RUNX1: variants seen among roughly 807,000 people sequenced by gnomAD.
RUNX1 encodes RUNX family transcription factor 1, also known as runt-related transcription factor 1.
A neutral mutation model predicts 42.8 loss-of-function variants in RUNX1; 19 were observed. The ratio of observed to expected loss-of-function variants is 0.44; its 90% CI spans 0.31 to 0.65. The LOEUF (loss-of-function observed/expected upper bound fraction) is 0.65, where lower values mean the gene tolerates loss of function less well. Among genes scored for constraint, RUNX1 ranks in the 30% least tolerant of loss-of-function variants. RUNX1 has a pLI of 0.07. For missense variants in RUNX1, 528 were observed against 672.0 expected (o/e 0.79, Z 2.37); for synonymous variants, 271 against 289.4 (o/e 0.94, Z 0.64).
intron 2 of RUNX1, among the ~76,000 whole-genome samples, chr21:34,902,886 C>T (rs759346913): frequency 5.9e-5 from 9 of 152,130 alleles, no homozygotes; most frequent in Non-Finnish European, 8.8e-5. Flanking sequence ...TTACCCATGT[C>T]AGCATATGGC....
intron 6 of RUNX1, among the ~76,000 whole-genome samples, chr21:34,841,250 G>A (rs934992241): frequency 3.3e-5 from 5 of 152,176 alleles, no homozygotes; most frequent in Non-Finnish European, 5.9e-5. Flanking sequence ...CTTAGAGGTG[G>A]ATGAATCCTG....
intron 2 of RUNX1, among the ~76,000 whole-genome samples, chr21:34,985,403 C>T (rs1354473015): frequency 3.9e-5 from 6 of 152,122 alleles, no homozygotes; most frequent in African/African-American, 7.2e-5. Context: ...TGTCTGGGGT[C>T]ACCATGAAGA....
intron 2 of RUNX1, among the ~76,000 whole-genome samples, chr21:34,896,351 G>T (rs1404429289): frequency 6.6e-6 from 1 of 152,100 alleles, no homozygotes; most frequent in East Asian, 1.9e-4. Context: ...AGGAGATGGA[G>T]CTAGGAAAAG....
intron 7 of RUNX1, among the ~76,000 whole-genome samples, chr21:34,829,258 A>G (rs2057031282): frequency 6.6e-6 from 1 of 152,154 alleles, no homozygotes; most frequent in Non-Finnish European, 1.5e-5. Context: ...TCCAACTACA[A>G]CTTTGCTGAA....
At chr21:34,920,950 C>A (rs1382362433) in intron 2 of RUNX1, among the ~76,000 whole-genome samples, 1 of 152,176 alleles carries the variant, frequency 6.6e-6, no homozygotes, top group South Asian at 2.1e-4. Context: ...CTTGTGCCTT[C>A]CGGGTTCAAG....
intron 2 of RUNX1, among the ~76,000 whole-genome samples, chr21:34,957,231 C>T (rs1180648926): frequency 2.6e-5 from 4 of 152,106 alleles, no homozygotes; most frequent in South Asian, 2.1e-4. Flanking sequence ...AGATGAAAAG[C>T]GTTATGGGGC....
chr21:34,899,134 G>A (rs561625770), intron 2 of RUNX1, among the ~76,000 whole-genome samples: 2 of 152,222 alleles, frequency 1.3e-5, no homozygotes, highest in African/African-American at 4.8e-5. Context: ...CGCTGGTCTC[G>A]AACTTCTGAC....
chr21:35,023,980 C>T (rs1307223334), intron 2 of RUNX1, among the ~76,000 whole-genome samples: 1 of 149,806 alleles, frequency 6.7e-6, no homozygotes, highest in Non-Finnish European at 1.5e-5. Context: ...ATACTATATA[C>T]TAATTATAAA....
intron 2 of RUNX1, among the ~76,000 whole-genome samples, chr21:34,953,389 C>T (rs2058622588): frequency 6.6e-6 from 1 of 152,134 alleles, no homozygotes; most frequent in South Asian, 2.1e-4. Flanking sequence ...CTGCATGCAA[C>T]CCCCAGGGAA....
chr21:34,924,084 T>C (rs1471754457), intron 2 of RUNX1, among the ~76,000 whole-genome samples: 1 of 57,430 alleles, frequency 1.7e-5, no homozygotes, highest in Non-Finnish European at 6.4e-5. Flanking sequence ...ACTCACTCAG[T>C]GACCCACCCC....
At chr21:34,816,363 C>A (rs1011362298) in intron 7 of RUNX1, among the ~76,000 whole-genome samples, 1 of 151,454 alleles carries the variant, frequency 6.6e-6, no homozygotes, top group Admixed American at 6.6e-5. Context: ...CCCTGATGTG[C>A]TCTGGGGAGA....
chr21:34,987,366 A>G (rs1437753417), intron 2 of RUNX1, among the ~76,000 whole-genome samples: 1 of 152,216 alleles, frequency 6.6e-6, no homozygotes, highest in Non-Finnish European at 1.5e-5. Flanking sequence ...CAGGGAGCAC[A>G]GAGATCTTCG....
rs1435821080 is a variant in RUNX1 at position 34,790,057 on chromosome 21, T to C, written c.*2078A>G. 2 of 232,908 alleles carry C rather than the reference T, an allele frequency of 8.6e-6. No homozygotes were observed. Among genetic ancestry groups the C allele is most frequent in the Non-Finnish European group, 1.7e-5 (2 of 117,880 alleles). 14.4% of individuals were successfully genotyped at this position (232,908 alleles called of 1,614,324 possible). The stretch of plus-strand genomic sequence containing the variant: ...CAAAAATGTAATACGGAATAATATA[T>C]GAAACTGAGTTGTGGAGGGAATCCT... On this transcript the variant is annotated 3_prime_UTR_variant, in exon 9 of 9. Coordinates refer to ENST00000675419, the MANE Select transcript of RUNX1 (RefSeq NM_001754.5).
intron 2 of RUNX1, among the ~76,000 whole-genome samples, chr21:34,998,255 A>G (rs906335522): frequency 6.6e-6 from 1 of 152,146 alleles, no homozygotes; most frequent in African/African-American, 2.4e-5. Context: ...GGGGCTTAGG[A>G]AAAGGGGACC....
intron 2 of RUNX1, among the ~76,000 whole-genome samples, chr21:34,971,135 T>G (rs2058760934): frequency 6.6e-6 from 1 of 152,214 alleles, no homozygotes; most frequent in Non-Finnish European, 1.5e-5. Flanking sequence ...TATACTATGC[T>G]GTGCTTATCT....
Position 35,002,107 on chromosome 21 carries a change from A to ATAT in RUNX1, c.58+46732_58+46734dup, listed in dbSNP as rs1028092510. ...AGTGTAATCCCCCATCAAAATCCCA[A>ATAT]TATTATTATTATTATTATTACTATT... On this transcript the variant is annotated intron_variant, in intron 2 of 8. Coordinates refer to ENST00000675419, the MANE Select transcript of RUNX1 (RefSeq NM_001754.5). Among the ~76,000 whole-genome samples the ATAT allele has an allele frequency of 2.4e-4, 37 of 151,686 alleles. No individual in the cohort carries two copies. The East Asian group carries it at 3.1e-3, about 13-fold the overall frequency.
intron 2 of RUNX1, among the ~76,000 whole-genome samples, chr21:34,984,326 C>T (rs1284715871): frequency 3.9e-5 from 6 of 152,116 alleles, no homozygotes; most frequent in African/African-American, 1.2e-4. Flanking sequence ...ATGAAGTGGC[C>T]TAGACTATAA....
At chr21:35,006,244 G>T (rs2059083572) in intron 2 of RUNX1, among the ~76,000 whole-genome samples, 1 of 152,338 alleles carries the variant, frequency 6.6e-6, no homozygotes, top group Non-Finnish European at 1.5e-5. Context: ...ACACGTGGAA[G>T]ATTGGAGATT....
intron 2 of RUNX1, among the ~76,000 whole-genome samples, chr21:35,035,413 G>A (rs376296112): frequency 1.1e-4 from 17 of 152,334 alleles, no homozygotes; most frequent in African/African-American, 4.1e-4. Flanking sequence ...CCAGATGGGA[G>A]TGGGAAAGCC....
Sources: gnomAD v4.1 joint callset for allele counts (sites outside exome capture counted in the v4.1 genomes callset) on GRCh38, gnomAD v4.1.1 for gene constraint, MANE v1.5 for transcripts, NCBI Gene and HGNC (gene_info 2026-07-23, HGNC 2026-07-21) for gene names.